RCAN2: variants seen among roughly 807,000 people sequenced by gnomAD.
RCAN2 encodes the protein calcipressin-2.
In RCAN2, 9 loss-of-function variants were observed where a neutral mutation model predicts 23.6. The observed-to-expected ratio is 0.38, with a 90% CI of 0.23 to 0.67. The LOEUF (loss-of-function observed/expected upper bound fraction) is 0.67. RCAN2 is among the 30% of genes least tolerant of loss of function. RCAN2 has a pLI of 0.51. For missense variants in RCAN2, 273 were observed against 302.3 expected (o/e 0.90, Z 0.72); for synonymous variants, 109 against 115.7 (o/e 0.94, Z 0.37).
chr6:46,477,799 G>T (rs1256178732), intron 1 of RCAN2, among the ~76,000 whole-genome samples: 2 of 152,268 alleles, frequency 1.3e-5, no homozygotes, highest in South Asian at 2.1e-4. Flanking sequence ...CTCTAGGGTG[G>T]AAGTACCCTG....
intron 2 of RCAN2, among the ~76,000 whole-genome samples, chr6:46,451,154 T>C (rs1385348580): frequency 2.6e-5 from 4 of 152,128 alleles, no homozygotes; most frequent in Admixed American, 2.0e-4. Context: ...CAGATTTCCA[T>C]GATAAATTCA....
chr6:46,247,548 TGTCTCTACAGATTTA>T (rs1399403925), intron 3 of RCAN2, among the ~76,000 whole-genome samples: 3 of 152,258 alleles, frequency 2.0e-5, no homozygotes, highest in Non-Finnish European at 2.9e-5. Context: ...TGCTGTTTTC[TGTCTCTACAGATTTA>T]CCTGTTCTTG....
At chr6:46,256,068 A>T (rs1403976277) in intron 2 of RCAN2, among the ~76,000 whole-genome samples, 1 of 151,908 alleles carries the variant, frequency 6.6e-6, no homozygotes, top group African/African-American at 2.4e-5. Flanking sequence ...AAAGTGGGAG[A>T]GGTTAGAATA....
chr6:46,425,319 A>G lies in RCAN2; in HGVS notation c.225+31433T>C, dbSNP rs1229306026. Among the ~76,000 whole-genome samples the G allele has an allele frequency of 2.6e-5, 4 of 152,354 alleles. No individual in the cohort carries two copies. The East Asian group carries it at 5.8e-4, about 22-fold the overall frequency. ...CATTCCATTAGTCCTCAGAGCAATG[A>G]CATCACCACACATCATGCAGCCTCT... On this transcript the variant is annotated intron_variant, in intron 2 of 4. Transcript: ENST00000371374.
chr6:46,294,661 T>C (rs1264256551), intron 2 of RCAN2, among the ~76,000 whole-genome samples: 1 of 152,130 alleles, frequency 6.6e-6, no homozygotes, highest in Non-Finnish European at 1.5e-5. Context: ...TTATGTGTTG[T>C]GTGAAGAAAT....
intron 1 of RCAN2, among the ~76,000 whole-genome samples, chr6:46,457,280 G>A (rs376421603): frequency 1.1e-3 from 171 of 152,236 alleles, no homozygotes; most frequent in African/African-American, 3.9e-3. Flanking sequence ...AATGTCTATC[G>A]TGTATTGAGT....
chr6:46,335,718 A>G (rs1764119437), intron 2 of RCAN2, among the ~76,000 whole-genome samples: 1 of 152,156 alleles, frequency 6.6e-6, no homozygotes, highest in Non-Finnish European at 1.5e-5. Context: ...TCTCCCTTTC[A>G]GGATATAGTG....
chr6:46,378,868 C>T lies in RCAN2; in HGVS notation c.225+77884G>A, dbSNP rs368419712. On this transcript the variant is annotated intron_variant, in intron 2 of 4. Transcript: ENST00000371374. ...TTGGCAAACTAATTGGCTTGTGATA[C>T]TGATGGACTAGAGAGTTACTCTTTT... is the stretch of plus-strand genomic sequence containing the variant. 1.2e-4 allele frequency among the ~76,000 whole-genome samples: 18 copies of T among 152,272 alleles called. No homozygotes were observed. The East Asian group carries it at 3.5e-3, about 29-fold the overall frequency.
chr6:46,227,509 C>A (rs1765713572), intron 4 of RCAN2, among the ~76,000 whole-genome samples: 1 of 151,570 alleles, frequency 6.6e-6, no homozygotes, highest in Non-Finnish European at 1.5e-5. Flanking sequence ...CTGTTTAAGT[C>A]TTGGGAGGGT....
chr6:46,222,059 T>G lies in RCAN2; in HGVS notation c.*1082A>C. 1 of 398,446 alleles carries G rather than the reference T, an allele frequency of 2.5e-6. No homozygotes were observed. Among genetic ancestry groups the G allele is most frequent in the East Asian group, 3.6e-5 (1 of 28,068 alleles). 24.7% of individuals were successfully genotyped at this position (398,446 alleles called of 1,614,324 possible). A position where few individuals can be genotyped will look rare whatever the true frequency, so the allele number is the denominator to read the frequency against. On this transcript the variant is annotated 3_prime_UTR_variant, in exon 5 of 5. Transcript: ENST00000371374. ...ATAATCTACAACTGACACTTGCATC[T>G]TTATTTAAAAACAAGTGGTCTTGAT...
intron 2 of RCAN2, among the ~76,000 whole-genome samples, chr6:46,281,432 A>G (rs543749884): frequency 1.3e-5 from 2 of 152,344 alleles, no homozygotes; most frequent in Non-Finnish European, 1.5e-5. Flanking sequence ...TTAAGCAGCT[A>G]TGGGTTTCAA....
chr6:46,284,535 G>A (rs1465871077), intron 2 of RCAN2, among the ~76,000 whole-genome samples: 2 of 152,178 alleles, frequency 1.3e-5, no homozygotes, highest in African/African-American at 4.8e-5. Flanking sequence ...AGCTCCCCAG[G>A]TGACTCAGCT....
At chr6:46,456,105 G>A (rs1768019804) in intron 2 of RCAN2, among the ~76,000 whole-genome samples, 1 of 152,278 alleles carries the variant, frequency 6.6e-6, no homozygotes, top group Admixed American at 6.5e-5. Context: ...ACTAAGTTAA[G>A]TCTGTTTCTT....
At chr6:46,453,399 A>T (rs570761610) in intron 2 of RCAN2, among the ~76,000 whole-genome samples, 2 of 152,356 alleles carry the variant, frequency 1.3e-5, no homozygotes, top group Admixed American at 1.3e-4. Context: ...TCACTGAAGT[A>T]TGTGCTCACT....
intron 1 of RCAN2, among the ~76,000 whole-genome samples, chr6:46,465,339 C>T (rs1435872673): frequency 6.6e-6 from 1 of 152,108 alleles, no homozygotes; most frequent in Non-Finnish European, 1.5e-5. Context: ...GAGTTTTGGA[C>T]ATTGTATTAG....
chr6:46,427,009 G>A (rs1582192712), intron 2 of RCAN2, among the ~76,000 whole-genome samples: 1 of 152,244 alleles, frequency 6.6e-6, no homozygotes, highest in Non-Finnish European at 1.5e-5. Flanking sequence ...AGATAACAAT[G>A]ATCCTCCCTC....
At chr6:46,439,893 G>A (rs1767481690) in intron 2 of RCAN2, among the ~76,000 whole-genome samples, 1 of 152,212 alleles carries the variant, frequency 6.6e-6, no homozygotes, top group Non-Finnish European at 1.5e-5. Flanking sequence ...GAGGCTAGTT[G>A]AAGAGTGAAA....
chr6:46,263,468 TG>T (rs1239984768), intron 2 of RCAN2, among the ~76,000 whole-genome samples: 56 of 67,644 alleles, frequency 8.3e-4, no homozygotes, highest in Admixed American at 1.7e-3. Flanking sequence ...TGTGTGTGTG[TG>T]TGTGTATGTG....
intron 2 of RCAN2, among the ~76,000 whole-genome samples, chr6:46,292,347 G>T (rs1265903537): frequency 6.6e-6 from 1 of 151,750 alleles, no homozygotes; most frequent in Non-Finnish European, 1.5e-5. Context: ...GTGAAGGTTG[G>T]CTTCCCAATA....
Sources: allele counts gnomAD v4.1 joint callset (sites outside exome capture counted in the v4.1 genomes callset), GRCh38; gene constraint gnomAD v4.1.1; transcripts MANE v1.5; gene names NCBI Gene and HGNC (gene_info 2026-07-23, HGNC 2026-07-21).